The following PCCA variants were observed in gnomAD, a reference collection of about 807,000 sequenced individuals.
PCCA encodes the protein propionyl-CoA carboxylase subunit alpha, also known as propionyl-CoA carboxylase alpha chain, mitochondrial.
Under a neutral mutation model 101.3 loss-of-function variants are expected in PCCA, and 74 were observed. The observed-to-expected ratio is 0.73, with a 90% CI of 0.61 to 0.89. The LOEUF (loss-of-function observed/expected upper bound fraction) is 0.89, where lower values mean the gene tolerates loss of function less well. Ranked by LOEUF, PCCA falls within the 40% of genes least tolerant of loss-of-function variation. The pLI, the probability that PCCA is intolerant of heterozygous loss-of-function variation, is 0.00. For missense variants in PCCA, 891 were observed against 907.0 expected (o/e 0.98, Z 0.23); for synonymous variants, 294 against 313.6 (o/e 0.94, Z 0.66).
At chr13:100,266,534 A>G (rs2062946640) in intron 10 of PCCA, among the ~76,000 whole-genome samples, 1 of 152,230 alleles carries the variant, frequency 6.6e-6, no homozygotes, top group Admixed American at 6.5e-5. Flanking sequence ...AATTAATAAA[A>G]AGTAAGCATC....
chr13:100,484,197 G>C (rs758125004), intron 21 of PCCA, among the ~76,000 whole-genome samples: 1 of 151,888 alleles, frequency 6.6e-6, no homozygotes, highest in Non-Finnish European at 1.5e-5. Context: ...GCTCATATCC[G>C]GTCCTCTGTG....
At chr13:100,291,648 T>A (rs753944935) in intron 12 of PCCA, among the ~76,000 whole-genome samples, 23 of 152,338 alleles carry the variant, frequency 1.5e-4, no homozygotes, top group Admixed American at 4.6e-4. Context: ...TCTTGAAATA[T>A]TCTAAGTGAC....
chr13:100,192,741 CTAAA>C (rs1226888130), intron 6 of PCCA, among the ~76,000 whole-genome samples: 1 of 152,114 alleles, frequency 6.6e-6, no homozygotes, highest in East Asian at 1.9e-4. Flanking sequence ...AGGTGTTTTC[CTAAA>C]TATTTAAATG....
intron 19 of PCCA, among the ~76,000 whole-genome samples, chr13:100,414,226 A>G (rs1217889865): frequency 6.6e-6 from 1 of 152,178 alleles, no homozygotes. Context: ...TCATTATTAC[A>G]TATATATTTG....
intron 22 of PCCA, among the ~76,000 whole-genome samples, chr13:100,517,332 C>A (rs2086912819): frequency 6.6e-6 from 1 of 152,220 alleles, no homozygotes; most frequent in African/African-American, 2.4e-5. Context: ...GGCTCCTGAT[C>A]TGACTTTCCC....
intron 17 of PCCA, among the ~76,000 whole-genome samples, chr13:100,331,426 A>C (rs2069553157): frequency 6.6e-6 from 1 of 152,184 alleles, no homozygotes; most frequent in African/African-American, 2.4e-5. Context: ...GTATCCATTA[A>C]AGTGTTTTAA....
intron 1 of PCCA, among the ~76,000 whole-genome samples, chr13:100,099,837 G>C (rs975542065): frequency 6.6e-6 from 1 of 152,090 alleles, no homozygotes; most frequent in Non-Finnish European, 1.5e-5. Flanking sequence ...TTATGACCTA[G>C]ATAAGTACTA....
intron 21 of PCCA, among the ~76,000 whole-genome samples, chr13:100,475,118 G>C (rs1198727611): frequency 6.6e-6 from 1 of 152,184 alleles, no homozygotes; most frequent in East Asian, 1.9e-4. Flanking sequence ...CTTGGTCACA[G>C]CTCATTGCAG....
chr13:100,241,557 A>G (rs1366112513), intron 8 of PCCA, among the ~76,000 whole-genome samples: 2 of 152,004 alleles, frequency 1.3e-5, no homozygotes, highest in African/African-American at 4.8e-5. Context: ...TGCAGCTTTA[A>G]TCTCCTGGGC....
intron 21 of PCCA, among the ~76,000 whole-genome samples, chr13:100,468,638 A>C (rs1171011926): frequency 6.6e-6 from 1 of 152,096 alleles, no homozygotes; most frequent in Admixed American, 6.6e-5. Context: ...CGCCTCTCTC[A>C]TCCTGTGTAG....
intron 8 of PCCA, among the ~76,000 whole-genome samples, chr13:100,256,757 G>A (rs540121670): frequency 6.6e-6 from 1 of 152,122 alleles, no homozygotes; most frequent in South Asian, 2.1e-4. Flanking sequence ...CTTCAGAAAA[G>A]ATCATAAACA....
intron 12 of PCCA, among the ~76,000 whole-genome samples, chr13:100,284,624 A>G (rs752148142): frequency 5.9e-5 from 9 of 152,254 alleles, no homozygotes; most frequent in East Asian, 5.8e-4. Context: ...AGACTCATCA[A>G]TGAGGCAGTA....
At chr13:100,493,064 C>T (rs938688190) in intron 21 of PCCA, among the ~76,000 whole-genome samples, 1 of 152,184 alleles carries the variant, frequency 6.6e-6, no homozygotes, top group African/African-American at 2.4e-5. Flanking sequence ...TGTTTTAACA[C>T]GTAGCCATCC....
At chr13:100,228,508 TAAG>T (rs1392275417) in intron 7 of PCCA, among the ~76,000 whole-genome samples, 1 of 152,180 alleles carries the variant, frequency 6.6e-6, no homozygotes, top group African/African-American at 2.4e-5. Flanking sequence ...TAAAGAGTGT[TAAG>T]AATAATCAGC....
intron 6 of PCCA, among the ~76,000 whole-genome samples, chr13:100,174,828 CTCT>C (rs1218048425): frequency 6.6e-6 from 1 of 151,024 alleles, no homozygotes; most frequent in African/African-American, 2.4e-5. Flanking sequence ...ATGAGTATTA[CTCT>C]TCTTTATGAG....
In PCCA at chr13:100,152,900, C is replaced by G. The variant is rs184463433; in HGVS notation, c.301-2079C>G. ...AAAATGTCAATACTATTAGGATTCT[C>G]TCTCTCCTTTTTACTTTTGAATGCA... is the stretch of plus-strand genomic sequence containing the variant. On this transcript the variant is annotated intron_variant, in intron 4 of 23. Transcript: ENST00000376285. Among the ~76,000 whole-genome samples the G allele has an allele frequency of 5.8e-3, 888 of 152,040 alleles. 7 individuals are homozygous for G. The highest frequency in any genetic ancestry group is 0.011 in the Non-Finnish European group (739 of 67,956).
At chr13:100,529,706 CAG>C (rs1227686098) in intron 23 of PCCA, among the ~76,000 whole-genome samples, 1 of 152,288 alleles carries the variant, frequency 6.6e-6, no homozygotes, top group South Asian at 2.1e-4. Context: ...CATTAATTCT[CAG>C]AGAACATTTC....
chr13:100,285,147 A>T (rs1304207639), intron 12 of PCCA, among the ~76,000 whole-genome samples: 2 of 152,138 alleles, frequency 1.3e-5, no homozygotes, highest in Non-Finnish European at 2.9e-5. Flanking sequence ...AGACATTAAA[A>T]CAGTTGTGGG....
At chr13:100,124,883 C>T (rs1228606765) in intron 4 of PCCA, among the ~76,000 whole-genome samples, 1 of 152,094 alleles carries the variant, frequency 6.6e-6, no homozygotes, top group Non-Finnish European at 1.5e-5. Flanking sequence ...GAGATGAAAG[C>T]AACTTAAATG....
Sources: gnomAD v4.1 joint callset for allele counts (sites outside exome capture counted in the v4.1 genomes callset) on GRCh38, gnomAD v4.1.1 for gene constraint, MANE v1.5 for transcripts, NCBI Gene and HGNC (gene_info 2026-07-23, HGNC 2026-07-21) for gene names.